TOX2: variants seen among roughly 807,000 people sequenced by gnomAD.
TOX2 encodes the protein granulosa cell HMG box 1.
A neutral mutation model predicts 47.4 loss-of-function variants in TOX2; 15 were observed. The observed-to-expected ratio is 0.32, with a 90% CI of 0.21 to 0.49. TOX2 has a LOEUF of 0.49. TOX2 is among the 20% of genes least tolerant of loss of function. The pLI is 0.99. For missense variants in TOX2, 622 were observed against 673.1 expected (o/e 0.92, Z 0.84); for synonymous variants, 290 against 296.6 (o/e 0.98, Z 0.23).
At chr20:44,027,795 G>A (rs6103570) in intron 3 of TOX2, among the ~76,000 whole-genome samples, 2 of 152,192 alleles carry the variant, frequency 1.3e-5, no homozygotes, top group African/African-American at 4.8e-5. Flanking sequence ...GTGGGGAGCA[G>A]GACAAGCAGA....
At chr20:43,925,601 G>A (rs946003816) in intron 1 of TOX2, among the ~76,000 whole-genome samples, 3 of 152,298 alleles carry the variant, frequency 2.0e-5, no homozygotes, top group Middle Eastern at 3.4e-3. Context: ...GGCTTTGGAC[G>A]GGCACAGGGG....
At chr20:43,932,780 C>T (rs899036450) in intron 1 of TOX2, among the ~76,000 whole-genome samples, 2 of 140,064 alleles carry the variant, frequency 1.4e-5, no homozygotes, top group African/African-American at 3.0e-5. Flanking sequence ...TGCTGCCCCC[C>T]CCCGCCATTT....
intron 2 of TOX2, among the ~76,000 whole-genome samples, chr20:43,987,910 A>G (rs1600711491): frequency 7.7e-6 from 1 of 129,632 alleles, no homozygotes; most frequent in East Asian, 2.1e-4. Context: ...AAATATCAAC[A>G]TCTTTTTTTT....
intron 3 of TOX2, among the ~76,000 whole-genome samples, chr20:44,049,356 C>G (rs1195383711): frequency 1.3e-5 from 2 of 152,142 alleles, no homozygotes; most frequent in Non-Finnish European, 2.9e-5. Flanking sequence ...ATTTGGGTCT[C>G]AAAGAAAACC....
chr20:43,990,847 G>A lies in TOX2; in HGVS notation c.166-15700G>A, dbSNP rs1439575359. ...GTGCCTTCATCCACAGGCAGCTGGC[G>A]TGTGGCACATTTTTAGGCAATGCTA... On this transcript the variant is annotated intron_variant, in intron 2 of 8. Coordinates refer to ENST00000341197, the MANE Select transcript of TOX2 (RefSeq NM_001098797.2). 5.3e-5 allele frequency among the ~76,000 whole-genome samples: 8 copies of A among 152,118 alleles called. No homozygotes were observed. The East Asian group carries it at 5.8e-4, about 11-fold the overall frequency.
chr20:44,066,079 C>T lies in TOX2; in HGVS notation c.1328C>T (p.Ala443Val), dbSNP rs769230798. ...PTPMALQVQL[A>V]MSPSPPGPQD... ...CCCATGGCACTCCAGGTGCAGCTGG[C>T]GATGAGCCCCTCACCTCCAGGGCCA... The change falls in exon 7 of 9, where the codon GCG becomes GTG. Residue 443 changes from alanine (A) to valine (V), a missense_variant. Physicochemically the swap from Ala to Val is moderately conservative, Grantham distance 64. Coordinates refer to ENST00000341197, the MANE Select transcript of TOX2 (RefSeq NM_001098797.2). 5.8e-6 allele frequency: 9 copies of T among 1,564,806 alleles called. No individual in the cohort carries two copies. The highest frequency in any genetic ancestry group is 5.4e-5 in the African/African-American group (4 of 74,250).
intron 1 of TOX2, among the ~76,000 whole-genome samples, chr20:43,961,797 C>T (rs910645875): frequency 1.3e-5 from 2 of 151,952 alleles, no homozygotes; most frequent in Non-Finnish European, 2.9e-5. Flanking sequence ...TGAGACCAGC[C>T]GAGAGCACGT....
At position 43,932,719 on chromosome 20, in the gene TOX2, A is replaced by T. The variant is rs1302987287; in HGVS notation, c.99+17729A>T. On this transcript the variant is annotated intron_variant, in intron 1 of 8. Coordinates refer to ENST00000341197, the MANE Select transcript of TOX2 (RefSeq NM_001098797.2). ...GGGGCTTTGAGGGGCTCACACCAGG[A>T]TTGGGGGCCCGCACCCTGGGTTGGG... is the stretch of plus-strand genomic sequence containing the variant. Among the ~76,000 whole-genome samples, 3 of 151,384 alleles carry T rather than the reference A, an allele frequency of 2.0e-5. No individual in the cohort carries two copies. In the East Asian group the frequency reaches 5.9e-4, roughly 30 times the overall value.
rs973335920 is a variant in TOX2 at position 44,025,460 on chromosome 20, T to C, written c.411+18668T>C. On this transcript the variant is annotated intron_variant, in intron 3 of 8. Transcript: ENST00000341197. Reference sequence around the variant, plus strand: ...AGCTGAGAGCCTTCACCAACCGATGTTCCCAGCAGCTGGGGGACAGGTTGC... The same window carrying C: ...AGCTGAGAGCCTTCACCAACCGATGCTCCCAGCAGCTGGGGGACAGGTTGC... Among the ~76,000 whole-genome samples, 3 of 6,212 alleles carry C rather than the reference T, an allele frequency of 4.8e-4. No homozygotes were observed. In the East Asian group the frequency reaches 0.011, roughly 22 times the overall value. 4.1% of individuals were successfully genotyped at this position (6,212 alleles called of 152,430 possible). A position where few individuals can be genotyped will look rare whatever the true frequency, so the allele number is the denominator to read the frequency against.
At chr20:43,967,198 G>A (rs1381631446) in intron 1 of TOX2, among the ~76,000 whole-genome samples, 1 of 152,134 alleles carries the variant, frequency 6.6e-6, no homozygotes, top group African/African-American at 2.4e-5. Flanking sequence ...GAGTGCTGGA[G>A]AAACAGCAAG....
intron 2 of TOX2, among the ~76,000 whole-genome samples, chr20:44,000,920 A>T (rs556303009): frequency 1.3e-5 from 2 of 152,070 alleles, no homozygotes; most frequent in Non-Finnish European, 2.9e-5. Context: ...TGAAGGCCAG[A>T]TGAAGACTGA....
intron 1 of TOX2, among the ~76,000 whole-genome samples, chr20:43,934,658 G>A (rs1041316933): frequency 6.6e-6 from 1 of 152,138 alleles, no homozygotes; most frequent in African/African-American, 2.4e-5. Context: ...TCTGTATGGG[G>A]AGCCATGGAG....
intron 1 of TOX2, among the ~76,000 whole-genome samples, chr20:43,935,559 A>G (rs913564290): frequency 2.0e-5 from 3 of 152,162 alleles, no homozygotes; most frequent in African/African-American, 7.2e-5. Context: ...ATTATGTATT[A>G]CTATTAACCA....
chr20:43,935,982 G>A (rs569317846), intron 1 of TOX2, among the ~76,000 whole-genome samples: 4 of 147,838 alleles, frequency 2.7e-5, no homozygotes, highest in South Asian at 2.2e-4. Context: ...ACCTGAATCC[G>A]TCTAGCTCTG....
intron 3 of TOX2, chr20:44,039,060 T>C (rs2071288625): frequency 2.4e-6 from 3 of 1,273,106 alleles, no homozygotes; most frequent in Non-Finnish European, 3.1e-6. Flanking sequence ...ATCTCATGAG[T>C]GCCGGCTGCC....
rs114014714 is a variant in TOX2, at chr20:43,964,328, G to A, written c.100-9039G>A. Among the ~76,000 whole-genome samples, 1,348 of 152,126 alleles carry A rather than the reference G, an allele frequency of 8.9e-3. 22 individuals are homozygous for A. The highest frequency in any genetic ancestry group is 0.03 in the African/African-American group (1,253 of 41,474). ...GGCTCTCTGCCTGCACCCCTCCCCC[G>A]GCATCTTCCTGGCCCTGATGTGTAT... On this transcript the variant is annotated intron_variant, in intron 1 of 8. Transcript: ENST00000341197.
rs1322832830 is a variant in TOX2 at position 44,018,562 on chromosome 20, G to A, written c.411+11770G>A. ...TCTTTGGCTCCGCAGAATGTCTGGAGCACATAAAACTTGAGATTTATTGGA... is the reference window on the plus strand; with the variant it reads ...TCTTTGGCTCCGCAGAATGTCTGGAACACATAAAACTTGAGATTTATTGGA... On this transcript the variant is annotated intron_variant, in intron 3 of 8. Transcript: ENST00000341197. Among the ~76,000 whole-genome samples, 9 of 152,274 alleles carry A rather than the reference G, an allele frequency of 5.9e-5. No homozygotes were observed. The South Asian group carries it at 1.5e-3, about 25-fold the overall frequency.
At chr20:43,996,099 C>T (rs368450961) in intron 2 of TOX2, among the ~76,000 whole-genome samples, 15 of 152,262 alleles carry the variant, frequency 9.9e-5, no homozygotes, top group Admixed American at 8.5e-4. Flanking sequence ...TATTGCTTTC[C>T]ACAATGGTTG....
chr20:43,939,334 T>G (rs957296419), intron 1 of TOX2, among the ~76,000 whole-genome samples: 1 of 152,162 alleles, frequency 6.6e-6, no homozygotes, highest in African/African-American at 2.4e-5. Context: ...GCATAGGGAT[T>G]TCATCATATT....
Sources: allele counts gnomAD v4.1 joint callset (sites outside exome capture counted in the v4.1 genomes callset), GRCh38; gene constraint gnomAD v4.1.1; transcripts MANE v1.5; gene names NCBI Gene and HGNC (gene_info 2026-07-23, HGNC 2026-07-21).